The following SRGAP1 variants were observed in gnomAD, a reference collection of about 807,000 sequenced individuals.
SRGAP1 encodes the protein SLIT-ROBO Rho GTPase activating protein 1.
SRGAP1 carries 43 observed loss-of-function variants against 121.9 expected under a neutral mutation model. The ratio of observed to expected loss-of-function variants is 0.35; its 90% CI spans 0.28 to 0.46. The LOEUF (loss-of-function observed/expected upper bound fraction) is 0.46. Ranked by LOEUF, SRGAP1 falls within the 20% of genes least tolerant of loss-of-function variation. The probability of loss-of-function intolerance (pLI) is 1.00; values close to 1 mark genes in which losing one functional copy is unlikely to be tolerated. For missense variants in SRGAP1, 1,102 were observed against 1,350.9 expected (o/e 0.82, Z 2.89); for synonymous variants, 447 against 485.4 (o/e 0.92, Z 1.04).
At chr12:64,127,501 C>T (rs2036711576) in intron 19 of SRGAP1, 89 bp from the exon 20 acceptor site, 11 of 1,300,686 alleles carry the variant, frequency 8.5e-6, no homozygotes, top group Non-Finnish European at 1.0e-5. Context: ...TAAATGCTAT[C>T]ACGTAAATTT....
intron 21 of SRGAP1, among the ~76,000 whole-genome samples, chr12:64,133,636 T>A (rs1178251501): frequency 6.6e-6 from 1 of 152,156 alleles, no homozygotes; most frequent in African/African-American, 2.4e-5. Context: ...GCATAAATTG[T>A]CAGTAATATA....
chr12:63,916,600 T>C (rs912377387), intron 1 of SRGAP1, among the ~76,000 whole-genome samples: 1 of 152,166 alleles, frequency 6.6e-6, no homozygotes, highest in East Asian at 1.9e-4. Flanking sequence ...AATTACATAC[T>C]GTAGGAAATG....
At chr12:64,033,255 CA>C (rs2136490338) in intron 4 of SRGAP1, among the ~76,000 whole-genome samples, 1 of 152,150 alleles carries the variant, frequency 6.6e-6, no homozygotes, top group South Asian at 2.1e-4. Context: ...GTCTTTTGTT[CA>C]AAGCATTTGT....
chr12:63,903,927 C>T (rs1264571510), intron 1 of SRGAP1, among the ~76,000 whole-genome samples: 3 of 152,158 alleles, frequency 2.0e-5, no homozygotes, highest in Non-Finnish European at 4.4e-5. Flanking sequence ...GCCACCACAC[C>T]CAGCTCCAGC....
At chr12:63,990,725 A>G (rs540900871) in intron 3 of SRGAP1, among the ~76,000 whole-genome samples, 115 of 152,244 alleles carry the variant, frequency 7.6e-4, no homozygotes, top group Non-Finnish European at 1.4e-3. Context: ...ACCTGTACTC[A>G]TGAAAAATCA....
intron 15 of SRGAP1, among the ~76,000 whole-genome samples, chr12:64,100,289 C>T (rs1178215033): frequency 6.6e-6 from 1 of 152,128 alleles, no homozygotes; most frequent in African/African-American, 2.4e-5. Context: ...TTTGTGTTAT[C>T]CTCAAGTTAC....
intron 1 of SRGAP1, among the ~76,000 whole-genome samples, chr12:63,898,175 C>T (rs951446342): frequency 6.6e-6 from 1 of 152,172 alleles, no homozygotes; most frequent in East Asian, 1.9e-4. Flanking sequence ...GTGAGCATGA[C>T]GCAAACTTGC....
intron 6 of SRGAP1, among the ~76,000 whole-genome samples, chr12:64,052,448 A>C (rs2035254240): frequency 6.6e-6 from 1 of 151,842 alleles, no homozygotes; most frequent in Non-Finnish European, 1.5e-5. Context: ...CCAGCTACTC[A>C]GGAGGCTGAG....
chr12:63,876,693 T>C (rs1900040348), intron 1 of SRGAP1, among the ~76,000 whole-genome samples: 1 of 152,194 alleles, frequency 6.6e-6, no homozygotes, highest in Non-Finnish European at 1.5e-5. Context: ...CATGTTGACT[T>C]CTAAGATAAG....
chr12:63,849,938 T>G (rs1899020810), intron 1 of SRGAP1, among the ~76,000 whole-genome samples: 1 of 152,184 alleles, frequency 6.6e-6, no homozygotes, highest in Non-Finnish European at 1.5e-5. Flanking sequence ...GACTTTACAT[T>G]CATTGAAGGA....
chr12:63,901,531 GTTGT>G (rs1336436181), intron 1 of SRGAP1, among the ~76,000 whole-genome samples: 4 of 152,138 alleles, frequency 2.6e-5, no homozygotes, highest in Non-Finnish European at 5.9e-5. Context: ...TTTCTTTCTG[GTTGT>G]TCCTGCTCAG....
intron 1 of SRGAP1, among the ~76,000 whole-genome samples, chr12:63,902,618 A>G (rs970154369): frequency 7.2e-5 from 11 of 152,342 alleles, no homozygotes; most frequent in South Asian, 6.2e-4. Flanking sequence ...ATCCATTTTA[A>G]TATGTGCAAG....
rs769341159 is a variant in SRGAP1, at chr12:64,111,758, G to T, written c.1920-4G>T. On this transcript the variant is annotated splice_region_variant and splice_polypyrimidine_tract_variant and intron_variant, in intron 16 of 21. Transcript: ENST00000355086. ...TATAACTCCTTTCTTGTTTCCTTTT[G>T]TAGTCTATCACAGTACAGCGATGAG... 1.2e-5 allele frequency: 18 copies of T among 1,542,396 alleles called. No homozygotes were observed. Among genetic ancestry groups the T allele is most frequent in the East Asian group, 4.7e-5 (2 of 42,330 alleles).
chr12:63,888,422 C>G (rs1225668835), intron 1 of SRGAP1: 2 of 152,118 alleles, frequency 1.3e-5, no homozygotes, highest in East Asian at 3.8e-4. Context: ...GACATCGGCT[C>G]ATCTTAATCT....
chr12:64,096,159 T>C (rs1472045594), intron 14 of SRGAP1, among the ~76,000 whole-genome samples: 1 of 152,184 alleles, frequency 6.6e-6, no homozygotes, highest in Non-Finnish European at 1.5e-5. Flanking sequence ...ACAGGCAAAA[T>C]ACATGATCAT....
intron 1 of SRGAP1, among the ~76,000 whole-genome samples, chr12:63,916,617 G>A (rs2030790521): frequency 6.6e-6 from 1 of 152,134 alleles, no homozygotes; most frequent in Non-Finnish European, 1.5e-5. Flanking sequence ...AATGTGTGCA[G>A]AGTGTTCTAA....
intron 6 of SRGAP1, among the ~76,000 whole-genome samples, chr12:64,043,822 C>T (rs779942592): frequency 2.9e-4 from 44 of 152,092 alleles, no homozygotes; most frequent in Non-Finnish European, 5.0e-4. Context: ...CTGTGAGAAG[C>T]CTGGTAAACT....
chr12:63,870,771 G>A (rs1405788078), intron 1 of SRGAP1, among the ~76,000 whole-genome samples: 3 of 151,972 alleles, frequency 2.0e-5, no homozygotes, highest in African/African-American at 7.2e-5. Context: ...GAACTCCTGA[G>A]CTCAAGAAAT....
chr12:64,025,810 G>C (rs952394579), intron 4 of SRGAP1, among the ~76,000 whole-genome samples: 1 of 152,076 alleles, frequency 6.6e-6, no homozygotes, highest in Non-Finnish European at 1.5e-5. Flanking sequence ...TTCTAATCTT[G>C]GCCTTGACGC....
Sources: allele counts gnomAD v4.1 joint callset (sites outside exome capture counted in the v4.1 genomes callset), GRCh38; gene constraint gnomAD v4.1.1; transcripts MANE v1.5; gene names NCBI Gene and HGNC (gene_info 2026-07-23, HGNC 2026-07-21).